COLGALT1: variants seen among roughly 807,000 people sequenced by gnomAD.
COLGALT1 encodes procollagen galactosyltransferase 1.
A neutral mutation model predicts 60.8 loss-of-function variants in COLGALT1; 43 were observed. The observed-to-expected ratio is 0.71, with a 90% CI of 0.55 to 0.91. The LOEUF is 0.91. Ranked by LOEUF, COLGALT1 falls within the 40% of genes least tolerant of loss-of-function variation. COLGALT1 has a pLI of 0.00. For missense variants in COLGALT1, 845 were observed against 880.0 expected, an observed-to-expected ratio of 0.96 and a Z score of 0.50; for synonymous variants, 369 against 374.2, an observed-to-expected ratio of 0.99 and a Z score of 0.16.
intron 1 of COLGALT1, among the ~76,000 whole-genome samples, chr19:17,556,237 T>C (rs906980574): frequency 6.6e-6 from 1 of 151,882 alleles, no homozygotes; most frequent in African/African-American, 2.4e-5. Context: ...CGGGACCGAG[T>C]TCCTCCTGCT....
At chr19:17,565,211 A>G (rs1384770899) in intron 3 of COLGALT1, among the ~76,000 whole-genome samples, 2 of 151,920 alleles carry the variant, frequency 1.3e-5, no homozygotes, top group Non-Finnish European at 2.9e-5. Flanking sequence ...TTTGCAGTGC[A>G]GTGGCACGAT....
At chr19:17,574,251 C>T (rs182579914) in intron 6 of COLGALT1, among the ~76,000 whole-genome samples, 3 of 151,932 alleles carry the variant, frequency 2.0e-5, no homozygotes, top group African/African-American at 7.2e-5. Flanking sequence ...CCAGCCTTAC[C>T]GATTTCTGAA....
chr19:17,577,569 G>A, intron 8 of COLGALT1, 102 bp downstream of exon 8: 1 of 1,104,836 alleles, frequency 9.1e-7, no homozygotes, highest in Non-Finnish European at 1.3e-6. Flanking sequence ...CGGGCGTGGT[G>A]TCCAAACAGA....
chr19:17,572,476 AC>A lies in COLGALT1; in HGVS notation c.830-6del, dbSNP rs141206070. On this transcript the variant is annotated splice_polypyrimidine_tract_variant and splice_region_variant and intron_variant, in intron 5 of 11. Transcript: ENST00000252599. The stretch of plus-strand genomic sequence containing the variant: ...ACATTTGTCTGTTGCTTCCCTGCCC[AC>A]TGCAGAGGTTCAGATGTATGTGTGC... The A allele has an allele frequency of 5.0e-6, 8 of 1,613,926 alleles. No homozygotes were observed. The East Asian group carries it at 6.7e-5, about 13-fold the overall frequency.
intron 3 of COLGALT1, among the ~76,000 whole-genome samples, chr19:17,567,021 A>C (rs1166424441): frequency 1.3e-5 from 2 of 152,104 alleles, no homozygotes. Flanking sequence ...AGGCTGAGAC[A>C]GGAGAATCGC....
At chr19:17,566,407 T>C (rs1220197149) in intron 3 of COLGALT1, among the ~76,000 whole-genome samples, 2 of 152,168 alleles carry the variant, frequency 1.3e-5, no homozygotes, top group African/African-American at 2.4e-5. Context: ...TTCTGTGATA[T>C]ATCATGACTT....
At chr19:17,567,604 T>C in intron 4 of COLGALT1, 64 bp downstream of exon 4, 1 of 1,547,160 alleles carries the variant, frequency 6.5e-7, no homozygotes, top group Non-Finnish European at 8.8e-7. Context: ...GGCTAGAGTG[T>C]AACTTACTGT....
intron 8 of COLGALT1, 143 bp downstream of exon 8, chr19:17,577,610 G>A: frequency 1.3e-6 from 1 of 771,910 alleles, no homozygotes; most frequent in Non-Finnish European, 2.0e-6. Context: ...GTCCTGAAGG[G>A]GAAGTGAATG....
chr19:17,581,216 T>C lies in COLGALT1; in HGVS notation c.1641T>C (p.His547=), dbSNP rs1365315232. 1.9e-6 allele frequency: 3 copies of C among 1,608,618 alleles called. No homozygotes were observed. Among genetic ancestry groups the C allele is most frequent in the South Asian group, 2.2e-5 (2 of 90,988 alleles). ...CCCACTTCTCCCTCCGCAACCTGCA[T>C]GCCTTCTCTGTGGAGCCGCTGCTCA... is the stretch of plus-strand genomic sequence containing the variant. ...YKAHFSLRNL[H]AFSVEPLLIY... Residue 547 remains histidine, a synonymous_variant, in exon 12 of 12, where the codon CAT becomes CAC. Coordinates refer to ENST00000252599, the MANE Select transcript of COLGALT1 (RefSeq NM_024656.4).
In COLGALT1 at chr19:17,577,120, T is replaced by C. The variant is rs112980847; in HGVS notation, c.950-75T>C. On this transcript the variant is annotated intron_variant, in intron 6 of 11. Transcript: ENST00000252599. ...GCCAGTCTGACTGGGAGCCATGGAG[T>C]GGGTGGGGAAAGCGTGTTGGAGAGA... The C allele has an allele frequency of 0.01, 14,788 of 1,443,502 alleles. 935 individuals are homozygous for C. In the African/African-American group the frequency reaches 0.16, roughly 16 times the overall value. 89.4% of individuals were successfully genotyped at this position (1,443,502 alleles called of 1,614,324 possible). A position where few individuals can be genotyped will look rare whatever the true frequency, so the allele number is the denominator to read the frequency against.
intron 2 of COLGALT1, 34 bp downstream of exon 2, chr19:17,559,455 G>C: frequency 6.6e-7 from 1 of 1,505,034 alleles, no homozygotes; most frequent in Non-Finnish European, 9.1e-7. Context: ...AGTCTGATTG[G>C]GCTTTGCCTC....
chr19:17,580,704 T>G lies in COLGALT1; in HGVS notation c.1400T>G (p.Val467Gly). Residue 467 changes from valine (V) to glycine (G), a missense_variant, in exon 11 of 12, where the codon GTG (valine) becomes GGG (glycine). Physicochemically the swap from Val to Gly is moderately radical, Grantham distance 109. Coordinates refer to ENST00000252599, the MANE Select transcript of COLGALT1 (RefSeq NM_024656.4). ...GGCCCGATCTTGCACCCCAGCTATG[T>G]GGGCCGGAAGCGGATGCAGGTGGAG... is the stretch of plus-strand genomic sequence containing the variant. ...REGLDWDLIY[V>G]GRKRMQVEHP... The G allele has an allele frequency of 6.2e-7, 1 of 1,613,900 alleles. No individual in the cohort carries two copies. The highest frequency in any genetic ancestry group is 8.5e-7 in the Non-Finnish European group (1 of 1,179,988).
In COLGALT1 at chr19:17,559,326, C is replaced by T; in HGVS notation, c.276C>T (p.His92=). The part of the protein sequence containing the change: ...ERTALWVATD[H]NMDNTSTVLR... ...CTCCCTGCAGGGTGGCTACGGACCA[C>T]AACATGGATAACACGTCAACTGTGC... Residue 92 remains histidine, a synonymous_variant, in exon 2 of 12, where the codon CAC becomes CAT. Coordinates refer to ENST00000252599, the MANE Select transcript of COLGALT1 (RefSeq NM_024656.4). The T allele has an allele frequency of 6.4e-7, 1 of 1,552,146 alleles. No homozygotes were observed. The highest frequency in any genetic ancestry group is 8.7e-7 in the Non-Finnish European group (1 of 1,147,196).
Position 17,581,862 on chromosome 19 carries a change from A to T in COLGALT1, c.*418A>T. 5.3e-6 allele frequency: 1 copy of T among 190,452 alleles called. No individual in the cohort carries two copies. Among genetic ancestry groups the T allele is most frequent in the East Asian group, 1.3e-4 (1 of 7,822 alleles). 11.8% of individuals were successfully genotyped at this position (190,452 alleles called of 1,614,324 possible). A position where few individuals can be genotyped will look rare whatever the true frequency, so the allele number is the denominator to read the frequency against. On this transcript the variant is annotated 3_prime_UTR_variant, in exon 12 of 12. Transcript: ENST00000252599. The stretch of plus-strand genomic sequence containing the variant: ...ATTCATTTTTAAAATTCATTCAAGG[A>T]TTTATTGAGTGCCTACTGTGTGTTG...
chr19:17,579,775 T>C (rs2076367876), intron 10 of COLGALT1, among the ~76,000 whole-genome samples, 166 bp downstream of exon 10: 1 of 149,694 alleles, frequency 6.7e-6, no homozygotes. Context: ...GGCCAGGGCT[T>C]AGAGGTGGGG....
At chr19:17,578,670 T>TGC (rs1438479182) in intron 9 of COLGALT1, among the ~76,000 whole-genome samples, 1 of 152,196 alleles carries the variant, frequency 6.6e-6, no homozygotes, top group African/African-American at 2.4e-5. Context: ...GCCAAGATCG[T>TGC]GCCACTGCAC....
chr19:17,583,118 C>G lies in COLGALT1; in HGVS notation c.*1674C>G, dbSNP rs1368500164. Reference sequence around the variant, plus strand: ...CGGTGCTTCACCCTCTTGGGGATAACTTGCTTAGTTTTTTAATAAATGTTC... The same window carrying G: ...CGGTGCTTCACCCTCTTGGGGATAAGTTGCTTAGTTTTTTAATAAATGTTC... On this transcript the variant is annotated 3_prime_UTR_variant, in exon 12 of 12. Coordinates refer to ENST00000252599, the MANE Select transcript of COLGALT1 (RefSeq NM_024656.4). 6.6e-6 allele frequency: 1 copy of G among 152,224 alleles called. No individual in the cohort carries two copies. Among genetic ancestry groups the G allele is most frequent in the African/African-American group, 2.4e-5 (1 of 41,454 alleles). The allele number at this position is 152,224 out of a possible 1,614,324, so 9.4% of individuals were successfully genotyped here.
At chr19:17,580,419 C>A in intron 10 of COLGALT1, 1 of 516,004 alleles carries the variant, frequency 1.9e-6, no homozygotes. Context: ...CCTCTGAACT[C>A]AGAGCAGCTT....
intron 6 of COLGALT1, among the ~76,000 whole-genome samples, chr19:17,573,593 G>A (rs2076324919): frequency 6.6e-6 from 1 of 152,168 alleles, no homozygotes; most frequent in African/African-American, 2.4e-5. Context: ...AGCTACTCAG[G>A]AGGCTGAGGT....
Sources: allele counts gnomAD v4.1 joint callset (sites outside exome capture counted in the v4.1 genomes callset), GRCh38; gene constraint gnomAD v4.1.1; transcripts MANE v1.5; gene names NCBI Gene and HGNC (gene_info 2026-07-23, HGNC 2026-07-21).